Variants in PDE8B observed in about 807,000 individuals in gnomAD.
PDE8B encodes phosphodiesterase 8B.
Under a neutral mutation model 101.3 loss-of-function variants are expected in PDE8B, and 26 were observed. The observed-to-expected ratio is 0.26, with a 90% CI of 0.19 to 0.36. The LOEUF (loss-of-function observed/expected upper bound fraction) is 0.36, where lower values mean the gene tolerates loss of function less well. Ranked by LOEUF, PDE8B falls within the 10% of genes least tolerant of loss-of-function variation. The pLI is 1.00. For missense variants in PDE8B, 810 were observed against 1,163.1 expected, an observed-to-expected ratio of 0.70 and a Z score of 4.42; for synonymous variants, 424 against 429.3, an observed-to-expected ratio of 0.99 and a Z score of 0.15.
intron 2 of PDE8B, among the ~76,000 whole-genome samples, chr5:77,321,496 T>G (rs2150199899): frequency 6.6e-6 from 1 of 152,266 alleles, no homozygotes; most frequent in African/African-American, 2.4e-5. Context: ...TCCTAGCCTT[T>G]ATGTCTCTCT....
chr5:77,129,100 G>A, the PDE8B span, among the ~76,000 whole-genome samples: 1 of 152,096 alleles, frequency 6.6e-6, no homozygotes, highest in Non-Finnish European at 1.5e-5. Flanking sequence ...TGTATGATCT[G>A]TGTCCACATA....
At chr5:77,324,430 A>G (rs1775680920) in intron 2 of PDE8B, among the ~76,000 whole-genome samples, 1 of 152,182 alleles carries the variant, frequency 6.6e-6, no homozygotes, top group African/African-American at 2.4e-5. Flanking sequence ...GAGATGGACC[A>G]TAAATACATA....
chr5:77,325,483 T>G lies in PDE8B; in HGVS notation c.400-56T>G, dbSNP rs1242029625. The G allele has an allele frequency of 2.6e-6, 4 of 1,536,984 alleles. No individual in the cohort carries two copies. The African/African-American group carries it at 5.4e-5, about 21-fold the overall frequency. On this transcript the variant is annotated intron_variant, in intron 2 of 21. Transcript: ENST00000264917. ...TGCGCCTGGCCACTAGGCTTGTTTTTAATAGTCTCTATGGATGATGATTTA... is the reference window on the plus strand; with the variant it reads ...TGCGCCTGGCCACTAGGCTTGTTTTGAATAGTCTCTATGGATGATGATTTA...
the PDE8B span, among the ~76,000 whole-genome samples, chr5:77,172,132 C>T: frequency 4.6e-5 from 7 of 152,122 alleles, no homozygotes; most frequent in African/African-American, 1.7e-4. Context: ...TAGATGAATG[C>T]GTGGATGGGG....
At chr5:77,369,869 C>T (rs1390668417) in intron 10 of PDE8B, among the ~76,000 whole-genome samples, 2 of 152,192 alleles carry the variant, frequency 1.3e-5, no homozygotes, top group Admixed American at 6.5e-5. Flanking sequence ...ACCCAGAGCT[C>T]ACCCTCAGTT....
At chr5:77,187,696 C>T in the PDE8B span, among the ~76,000 whole-genome samples, 3 of 152,230 alleles carry the variant, frequency 2.0e-5, no homozygotes, top group Admixed American at 2.0e-4. Context: ...TTCTCCTACC[C>T]ATACCAAGGT....
chr5:77,219,484 C>A (rs955513944), intron 1 of PDE8B, among the ~76,000 whole-genome samples: 1 of 152,110 alleles, frequency 6.6e-6, no homozygotes, highest in Non-Finnish European at 1.5e-5. Flanking sequence ...GCCGTTCTGA[C>A]GTCAGAACCA....
chr5:77,306,131 G>T (rs1428800565), intron 1 of PDE8B, among the ~76,000 whole-genome samples: 1 of 152,114 alleles, frequency 6.6e-6, no homozygotes, highest in Non-Finnish European at 1.5e-5. Context: ...AGCAGGGATC[G>T]CCAGGCACTG....
At chr5:77,337,417 A>G in intron 6 of PDE8B, 102 bp downstream of exon 6, 1 of 737,718 alleles carries the variant, frequency 1.4e-6, no homozygotes, top group Non-Finnish European at 2.5e-6. Context: ...AATCCCAGGG[A>G]TTTTGAAGCT....
At chr5:77,410,372 C>G (rs1456423842) in intron 14 of PDE8B, 2 of 152,226 alleles carry the variant, frequency 1.3e-5, no homozygotes, top group African/African-American at 4.8e-5. Flanking sequence ...TGGGTTGTTA[C>G]CATGGAAAGG....
chr5:77,292,008 A>C (rs141764685), intron 1 of PDE8B, among the ~76,000 whole-genome samples: 1,595 of 152,282 alleles, frequency 0.01, 24 homozygotes, highest in African/African-American at 0.036. Flanking sequence ...TAAAAAAAAA[A>C]AAAACCATTT....
chr5:77,283,322 G>A (rs143929747), intron 1 of PDE8B, among the ~76,000 whole-genome samples: 1 of 152,208 alleles, frequency 6.6e-6, no homozygotes, highest in Non-Finnish European at 1.5e-5. Flanking sequence ...TGTTACAATT[G>A]ATGAGCCAAC....
At chr5:77,209,728 T>C (rs923820282), upstream of PDE8B, among the ~76,000 whole-genome samples, 2 of 152,158 alleles carry the variant, frequency 1.3e-5, no homozygotes, top group Non-Finnish European at 2.9e-5. Flanking sequence ...GGAACAGCAG[T>C]TGACATGGGC....
At chr5:77,307,602 T>G (rs116192370) in intron 1 of PDE8B, among the ~76,000 whole-genome samples, 3,242 of 149,572 alleles carry the variant, frequency 0.022, 125 homozygotes, top group African/African-American at 0.075. Flanking sequence ...AGTACTTGTG[T>G]TTTTTTTTTC....
intron 1 of PDE8B, among the ~76,000 whole-genome samples, chr5:77,252,213 C>T (rs926186150): frequency 1.3e-5 from 2 of 152,230 alleles, no homozygotes; most frequent in Non-Finnish European, 2.9e-5. Context: ...CACCCTTTCC[C>T]AGAGTTGTAG....
At chr5:77,325,501 A>T in intron 2 of PDE8B, 38 bp from the exon 3 acceptor site, 2 of 1,585,000 alleles carry the variant, frequency 1.3e-6, no homozygotes, top group Middle Eastern at 1.7e-4. Context: ...TCTATGGATG[A>T]TGATTTATTT....
At chr5:77,305,825 C>T (rs1771073762) in intron 1 of PDE8B, among the ~76,000 whole-genome samples, 1 of 152,156 alleles carries the variant, frequency 6.6e-6, no homozygotes, top group South Asian at 2.1e-4. Context: ...TTAAAAGTGC[C>T]TATTTCTGTG....
At chr5:77,412,741 G>GTT (rs11295108) in intron 16 of PDE8B, among the ~76,000 whole-genome samples, 6 of 150,726 alleles carry the variant, frequency 4.0e-5, no homozygotes, top group Admixed American at 1.3e-4. Context: ...CATCCAAGCT[G>GTT]TTTTTTTTTG....
At chr5:77,317,925 C>T (rs542347251) in intron 2 of PDE8B, among the ~76,000 whole-genome samples, 9 of 151,782 alleles carry the variant, frequency 5.9e-5, no homozygotes, top group South Asian at 2.1e-4. Context: ...GGTGTGGTGG[C>T]GGGCATCTGT....
Sources: gnomAD v4.1 joint callset for allele counts (sites outside exome capture counted in the v4.1 genomes callset) on GRCh38, gnomAD v4.1.1 for gene constraint, MANE v1.5 for transcripts, NCBI Gene and HGNC (gene_info 2026-07-23, HGNC 2026-07-21) for gene names.